Variants in UBE3A observed in about 807,000 individuals in gnomAD.
UBE3A encodes the protein ubiquitin protein ligase E3A.
In UBE3A, 6 loss-of-function variants were observed where a neutral mutation model predicts 83.4. The ratio of observed to expected loss-of-function variants is 0.07; its 90% CI spans 0.04 to 0.14. The LOEUF (loss-of-function observed/expected upper bound fraction) is 0.14. UBE3A is among the 10% of genes least tolerant of loss of function. UBE3A has a pLI of 1.00. For missense variants in UBE3A, 456 were observed against 1,036.1 expected (o/e 0.44, Z 7.69); for synonymous variants, 337 against 355.4 (o/e 0.95, Z 0.58).
rs755878219 is a variant in UBE3A, at chr15:25,339,110, T to TTTTG, written c.*23_*26dup. ...TTTTTCTTTTTTTTTCCTTCCTTTT[T>TTTTG]TTTGTTTTATTTTGTTTTGTTTTGT... is the stretch of plus-strand genomic sequence containing the variant. On this transcript the variant is annotated 3_prime_UTR_variant, in exon 13 of 13. Transcript: ENST00000648336. 1.2e-4 allele frequency: 179 copies of TTTTG among 1,461,618 alleles called. No homozygotes were observed. The highest frequency in any genetic ancestry group is 1.1e-4 in the African/African-American group (8 of 69,578). 90.5% of individuals were successfully genotyped at this position (1,461,618 alleles called of 1,614,324 possible).
Position 25,397,143 on chromosome 15 carries a change from AATGTGAGAAATGGTAGCAGCCTTG to A in UBE3A, c.62+8294_62+8317del, listed in dbSNP as rs1457598348. ...CCTGGCTACAGTTTCTAGATATAGG[AATGTGAGAAATGGTAGCAGCCTTG>A]AAGGTTTAGAGCTATATTCCCATAC... On this transcript the variant is annotated intron_variant, in intron 4 of 12. Transcript: ENST00000648336. 3.9e-5 allele frequency among the ~76,000 whole-genome samples: 6 copies of A among 152,330 alleles called. No individual in the cohort carries two copies. The South Asian group carries it at 8.3e-4, about 21-fold the overall frequency.
chr15:25,401,151 G>A (rs2086981382), intron 4 of UBE3A, among the ~76,000 whole-genome samples: 1 of 152,080 alleles, frequency 6.6e-6, no homozygotes, highest in African/African-American at 2.4e-5. Flanking sequence ...TTGTACCCTT[G>A]AGGTAAATCC....
At chr15:25,408,977 C>A in intron 3 of UBE3A, 111 bp downstream of exon 3, 1 of 1,139,368 alleles carries the variant, frequency 8.8e-7, no homozygotes, top group South Asian at 1.5e-5. Flanking sequence ...ACTCTCAGGC[C>A]CACTATTCTT....
At chr15:25,412,939 A>ATT in intron 1 of UBE3A, 3 of 400,768 alleles carry the variant, frequency 7.5e-6, no homozygotes, top group Admixed American at 3.1e-5. Context: ...GGGTAAATGA[A>ATT]TTTTTTTTTT....
intron 1 of UBE3A, chr15:25,418,751 T>G (rs992606492): frequency 6.6e-6 from 1 of 152,158 alleles, no homozygotes; most frequent in Non-Finnish European, 1.5e-5. Context: ...CCATTCCACA[T>G]GCTCTTAACA....
chr15:25,346,228 A>G (rs1459388071), intron 11 of UBE3A: 1 of 152,278 alleles, frequency 6.6e-6, no homozygotes, highest in Non-Finnish European at 1.5e-5. Context: ...CCTCACCCAA[A>G]CACACTCTGC....
rs766973981 is a variant in UBE3A at position 25,405,476 on chromosome 15, A to G, written c.47T>C (p.Ile16Thr). 8 of 1,613,874 alleles carry G rather than the reference A, an allele frequency of 5.0e-6. No homozygotes were observed. The highest frequency in any genetic ancestry group is 2.5e-6 in the Non-Finnish European group (3 of 1,179,918). Residue 16 changes from isoleucine to threonine, a missense_variant, in exon 4 of 13, where the codon ATT (isoleucine) becomes ACT (threonine). Ile to Thr is a moderately conservative substitution (Grantham distance 89). This residue lies in a region of UBE3A where 23 missense variants were observed against 18.6 expected (regional missense o/e 1.24). Coordinates refer to ENST00000648336, the MANE Select transcript of UBE3A (RefSeq NM_130839.5). ...TTACACTTACATTCGGCTAGCTTCA[A>G]TGTCGTCAGACTGAGGTTCTCCTGA... ...KRSGEPQSDDIEASRMKRAAA... is the reference protein window; with the variant it reads ...KRSGEPQSDDTEASRMKRAAA...
At chr15:25,355,809 A>T in intron 9 of UBE3A, 83 bp downstream of exon 9, 1 of 1,314,448 alleles carries the variant, frequency 7.6e-7, no homozygotes, top group Non-Finnish European at 1.1e-6. Flanking sequence ...AGACTATATT[A>T]GATACTTCTT....
chr15:25,421,671 T>G (rs911979958), intron 1 of UBE3A, among the ~76,000 whole-genome samples: 1 of 152,198 alleles, frequency 6.6e-6, no homozygotes, highest in Non-Finnish European at 1.5e-5. Context: ...ATGTACTTTA[T>G]GTCACTGAAC....
At chr15:25,404,001 G>A (rs1179190113) in intron 4 of UBE3A, among the ~76,000 whole-genome samples, 1 of 152,066 alleles carries the variant, frequency 6.6e-6, no homozygotes, top group Admixed American at 6.6e-5. Context: ...CTGCAAAACA[G>A]AGAGTTCTGA....
intron 11 of UBE3A, among the ~76,000 whole-genome samples, chr15:25,352,056 G>A (rs2076586247): frequency 6.6e-6 from 1 of 152,124 alleles, no homozygotes; most frequent in South Asian, 2.1e-4. Flanking sequence ...TTAGCCAGGT[G>A]TAGTGGTGTG....
rs376815580 is a variant in UBE3A at position 25,375,483 on chromosome 15, C to T, written c.343G>A (p.Ala115Thr). Reference protein sequence around the residue: ...CSEIKMNKKGARIDFKDVTYL... With the variant: ...CSEIKMNKKGTRIDFKDVTYL... The stretch of plus-strand genomic sequence containing the variant: ...ATCTTACCTTTAAAATCAATTCTAG[C>T]GCCTTTCTTGTTCATTTTTATCTCA... The change falls in exon 5 of 13, where the codon GCT becomes ACT. Residue 115 changes from alanine (A) to threonine (T), a missense_variant. This residue lies in a region of UBE3A where 36 missense variants were observed against 28.5 expected (regional missense o/e 1.26). Transcript: ENST00000648336. 1.5e-5 allele frequency: 25 copies of T among 1,613,978 alleles called. No homozygotes were observed. The highest frequency in any genetic ancestry group is 1.5e-4 in the African/African-American group (11 of 74,928).
intron 4 of UBE3A, among the ~76,000 whole-genome samples, chr15:25,388,491 AACAT>A (rs1247708446): frequency 6.6e-6 from 1 of 152,188 alleles, no homozygotes; most frequent in Non-Finnish European, 1.5e-5. Context: ...GTTTACAAAA[AACAT>A]ACAGCTAACA....
chr15:25,374,314 G>A (rs904149049), intron 5 of UBE3A: 1 of 152,314 alleles, frequency 6.6e-6, no homozygotes, highest in African/African-American at 2.4e-5. Context: ...CAAAAGAGCA[G>A]ATGAGCACAT....
At chr15:25,426,454 T>C (rs562448947) in intron 1 of UBE3A, among the ~76,000 whole-genome samples, 26 of 152,332 alleles carry the variant, frequency 1.7e-4, no homozygotes, top group African/African-American at 6.3e-4. Context: ...TTATGCCTGC[T>C]ATATATGCAC....
At chr15:25,406,528 T>C (rs1370199925) in intron 3 of UBE3A, among the ~76,000 whole-genome samples, 52 of 152,154 alleles carry the variant, frequency 3.4e-4, no homozygotes, top group Admixed American at 3.3e-3. Context: ...CAATATAATA[T>C]TGATTTCTAA....
intron 1 of UBE3A, among the ~76,000 whole-genome samples, chr15:25,412,305 T>C (rs1243125385): frequency 6.6e-6 from 1 of 152,184 alleles, no homozygotes; most frequent in African/African-American, 2.4e-5. Flanking sequence ...TCCTTTCAAA[T>C]ACCTATAGCA....
At chr15:25,411,512 C>A (rs1292380016) in intron 2 of UBE3A, among the ~76,000 whole-genome samples, 1 of 152,178 alleles carries the variant, frequency 6.6e-6, no homozygotes, top group Non-Finnish European at 1.5e-5. Context: ...ATCACTTGAA[C>A]CTGGGAGATG....
At chr15:25,396,465 A>C (rs915232093) in intron 4 of UBE3A, among the ~76,000 whole-genome samples, 1 of 151,638 alleles carries the variant, frequency 6.6e-6, no homozygotes, top group Non-Finnish European at 1.5e-5. Flanking sequence ...AACAAACAAA[A>C]ACACTGTTTT....
Sources: gnomAD v4.1 joint callset for allele counts (sites outside exome capture counted in the v4.1 genomes callset) on GRCh38, gnomAD v4.1.1 for gene constraint, gnomAD v4.1.1 regional missense constraint, MANE v1.5 for transcripts, NCBI Gene and HGNC (gene_info 2026-07-23, HGNC 2026-07-21) for gene names.